EBF4: variants seen among roughly 807,000 people sequenced by gnomAD.
EBF4 encodes transcription factor COE4.
In EBF4, 34 loss-of-function variants were observed where a neutral mutation model predicts 67.1. That is an observed-to-expected ratio of 0.51 (90% CI 0.39 to 0.67). The LOEUF (loss-of-function observed/expected upper bound fraction) is 0.67, where lower values mean the gene tolerates loss of function less well. Among genes scored for constraint, EBF4 ranks in the 30% least tolerant of loss-of-function variants. The pLI is 0.00. For missense variants in EBF4, 837 were observed against 873.3 expected, an observed-to-expected ratio of 0.96 and a Z score of 0.52; for synonymous variants, 387 against 377.7, an observed-to-expected ratio of 1.02 and a Z score of -0.29.
At chr20:2,700,175 A>T (rs2087353688) in intron 1 of EBF4, among the ~76,000 whole-genome samples, 1 of 152,042 alleles carries the variant, frequency 6.6e-6, no homozygotes, top group African/African-American at 2.4e-5. Context: ...CGTGGGATGG[A>T]GCTCCAGGTG....
intron 6 of EBF4, among the ~76,000 whole-genome samples, chr20:2,738,334 C>T (rs1429328218): frequency 6.6e-6 from 1 of 152,140 alleles, no homozygotes; most frequent in Admixed American, 6.5e-5. Flanking sequence ...GACTTGCAAG[C>T]ACCCCTTCCA....
chr20:2,730,968 G>A (rs534906000), intron 6 of EBF4, among the ~76,000 whole-genome samples: 10 of 152,058 alleles, frequency 6.6e-5, no homozygotes, highest in South Asian at 2.1e-4. Context: ...GCGCAATCTC[G>A]GCTCACTGCA....
downstream of EBF4, chr20:2,759,958 C>T (rs2088301302): frequency 6.6e-6 from 1 of 152,358 alleles, no homozygotes; most frequent in African/African-American, 2.4e-5. Context: ...TGGCCCCACA[C>T]ACTCACAATG....
chr20:2,749,879 G>A, exon 10 of EBF4: 1 of 1,551,254 alleles, frequency 6.4e-7, no homozygotes, highest in Non-Finnish European at 8.7e-7. Flanking sequence ...GGGTGCAGAC[G>A]CCCCCGCGGC....
At chr20:2,724,501 T>C (rs1440918075) in intron 6 of EBF4, among the ~76,000 whole-genome samples, 1 of 152,250 alleles carries the variant, frequency 6.6e-6, no homozygotes, top group African/African-American at 2.4e-5. Context: ...TTCTCACTTT[T>C]GTCTTTGTAT....
At position 2,749,770 on chromosome 20, in the gene EBF4, A is replaced by G; in HGVS notation, c.891+17A>G. On this transcript the variant is annotated intron_variant, in intron 9 of 16. Coordinates refer to ENST00000609451, the Ensembl canonical transcript of EBF4. Reference sequence around the variant, plus strand: ...TGGAGCGAGGTGGGCCAACCCCGCCAGTCTCCCTCTGGGCCTAGGGGCTGG... The same window carrying G: ...TGGAGCGAGGTGGGCCAACCCCGCCGGTCTCCCTCTGGGCCTAGGGGCTGG... 1 of 1,477,668 alleles carries G rather than the reference A, an allele frequency of 6.8e-7. No individual in the cohort carries two copies. Among genetic ancestry groups the G allele is most frequent in the Non-Finnish European group, 9.0e-7 (1 of 1,113,768 alleles). 91.5% of individuals were successfully genotyped at this position (1,477,668 alleles called of 1,614,324 possible).
intron 1 of EBF4, among the ~76,000 whole-genome samples, chr20:2,698,429 CAG>C (rs2087326993): frequency 6.6e-6 from 1 of 152,206 alleles, no homozygotes; most frequent in Non-Finnish European, 1.5e-5. Flanking sequence ...GCTGGCATGT[CAG>C]GGGCTGGGCA....
chr20:2,705,161 G>A (rs2087432907), intron 1 of EBF4, among the ~76,000 whole-genome samples: 1 of 152,258 alleles, frequency 6.6e-6, no homozygotes, highest in South Asian at 2.1e-4. Context: ...GGTTTAGTGG[G>A]ATATTTGTTC....
Position 2,745,960 on chromosome 20 carries a change from A to G in EBF4, c.558-2589A>G, listed in dbSNP as rs549381636. Reference sequence around the variant, plus strand: ...AGTGGTATCCAAAGGTGAGCCTTCAATCCCTTTAGGACAGAGACCATGCCC... The same window carrying G: ...AGTGGTATCCAAAGGTGAGCCTTCAGTCCCTTTAGGACAGAGACCATGCCC... On this transcript the variant is annotated intron_variant, in intron 6 of 16. Coordinates refer to ENST00000609451, the Ensembl canonical transcript of EBF4. This position sits in a 1 kb window ranked among gnomAD's most constrained non-coding sequence, Gnocchi z 5.2. 6.6e-6 allele frequency among the ~76,000 whole-genome samples: 1 copy of G among 152,226 alleles called. No homozygotes were observed. Among genetic ancestry groups the G allele is most frequent in the African/African-American group, 2.4e-5 (1 of 41,510 alleles).
chr20:2,694,054 G>T (rs985522080), intron 1 of EBF4, among the ~76,000 whole-genome samples: 1 of 152,210 alleles, frequency 6.6e-6, no homozygotes, highest in Admixed American at 6.5e-5. Flanking sequence ...CCCCAGCCGG[G>T]CTGTCTATGG....
At chr20:2,743,099 G>A (rs902799741) in intron 6 of EBF4, among the ~76,000 whole-genome samples, 1 of 152,174 alleles carries the variant, frequency 6.6e-6, no homozygotes, top group African/African-American at 2.4e-5. Flanking sequence ...TGCAGACATG[G>A]CTTGGAGGAC....
At chr20:2,752,534 C>T (rs1234522203) in exon 14 of EBF4, 3 of 1,249,158 alleles carry the variant, frequency 2.4e-6, no homozygotes, top group African/African-American at 3.1e-5. Flanking sequence ...ACCGCCACCT[C>T]GCCCTTCGCC....
chr20:2,744,911 CAACAT>C (rs1336286979), intron 6 of EBF4, among the ~76,000 whole-genome samples: 1 of 152,180 alleles, frequency 6.6e-6, no homozygotes, highest in Non-Finnish European at 1.5e-5. Context: ...CACATGAAAT[CAACAT>C]AAAAGATTAC....
chr20:2,737,020 T>A (rs2064387), intron 6 of EBF4, among the ~76,000 whole-genome samples: 11 of 151,646 alleles, frequency 7.3e-5, no homozygotes, highest in South Asian at 6.2e-4. Flanking sequence ...GAGGCCAAGG[T>A]GGGCAGATCA....
At chr20:2,758,741 A>AC in intron 15 of EBF4, 168 bp from the exon 16 acceptor site, 2 of 642,594 alleles carry the variant, frequency 3.1e-6, no homozygotes, top group Non-Finnish European at 5.6e-6. Flanking sequence ...TCTGAGAGGC[A>AC]CCCCTCACCC....
intron 1 of EBF4, 43 bp from the exon 2 acceptor site, chr20:2,705,534 T>C: frequency 1.3e-6 from 2 of 1,551,464 alleles, no homozygotes; most frequent in Non-Finnish European, 1.7e-6. Flanking sequence ...TCTTTCTCAC[T>C]GGGGGGCCTT....
intron 16 of EBF4, 112 bp from the exon 17 acceptor site, chr20:2,759,156 A>G (rs1018785389): frequency 1.5e-6 from 1 of 654,110 alleles, no homozygotes; most frequent in African/African-American, 1.8e-5. Context: ...TTTCTGAGGT[A>G]CTTGGCCCAC....
intron 14 of EBF4, among the ~76,000 whole-genome samples, chr20:2,753,517 C>G (rs988826575): frequency 2.0e-5 from 3 of 152,242 alleles, no homozygotes; most frequent in Non-Finnish European, 2.9e-5. Flanking sequence ...GGGGGATCCC[C>G]CCACTCCTGT....
downstream of EBF4, chr20:2,760,068 G>C (rs6051363): frequency 1.3e-5 from 2 of 152,394 alleles, no homozygotes; most frequent in African/African-American, 4.8e-5. The surrounding 1 kb of genome is among the most constrained non-coding windows in gnomAD (Gnocchi z 4.2). Context: ...ACCAGATGCA[G>C]GTGGTGCCCG....
Sources: allele counts gnomAD v4.1 joint callset (sites outside exome capture counted in the v4.1 genomes callset), GRCh38; gene constraint gnomAD v4.1.1; non-coding constraint Gnocchi (gnomAD v3.1); transcripts MANE v1.5; gene names NCBI Gene and HGNC (gene_info 2026-07-23, HGNC 2026-07-21).